The following ERBIN variants were observed in gnomAD, a reference collection of about 807,000 sequenced individuals.
ERBIN encodes the protein erbb2 interacting protein.
A neutral mutation model predicts 158.4 loss-of-function variants in ERBIN; 60 were observed. The observed-to-expected ratio is 0.38, with a 90% CI of 0.31 to 0.47. The LOEUF (loss-of-function observed/expected upper bound fraction) is 0.47, where lower values mean the gene tolerates loss of function less well. ERBIN is among the 20% of genes least tolerant of loss of function. The pLI, the probability that ERBIN is intolerant of heterozygous loss-of-function variation, is 0.99. For missense variants in ERBIN, 1,610 were observed against 1,648.0 expected, an observed-to-expected ratio of 0.98 and a Z score of 0.40; for synonymous variants, 594 against 557.2, an observed-to-expected ratio of 1.07 and a Z score of -0.93.
intron 1 of ERBIN, among the ~76,000 whole-genome samples, chr5:65,958,695 T>A (rs547368015): frequency 6.6e-6 from 1 of 152,238 alleles, no homozygotes; most frequent in South Asian, 2.1e-4. Context: ...AGGATTTTTT[T>A]ACTTTATGAT....
intron 7 of ERBIN, among the ~76,000 whole-genome samples, chr5:66,018,506 T>TATATAATATATATTATATAATATATAA (rs1286388126): frequency 1.8e-4 from 1 of 5,594 alleles, no homozygotes; most frequent in Non-Finnish European, 3.6e-4. Flanking sequence ...ATAATATATA[T>TATATAATATATATTATATAATATATAA]TATATATTAT....
rs150522905 is a variant in ERBIN, at chr5:65,992,742, T to C, written c.24T>C (p.Phe8=). The C allele has an allele frequency of 2.7e-5, 43 of 1,595,332 alleles. No individual in the cohort carries two copies. In the African/African-American group the frequency reaches 5.0e-4, roughly 19 times the overall value. Residue 8 remains phenylalanine (F), a synonymous_variant, in exon 3 of 26, where the codon TTT becomes TTC. Transcript: ENST00000284037. ...AAATGACTACAAAACGAAGTTTGTT[T>C]GTGCGGTTGGTACCATGTCGCTGTC... The part of the protein sequence containing the change: MTTKRSL[F]VRLVPCRCLR...
Position 66,028,289 on chromosome 5 carries a change from C to A in ERBIN, c.1152C>A (p.Pro384=), listed in dbSNP as rs369888510. Residue 384 remains proline (P), a synonymous_variant, in exon 14 of 26, where the codon CCC becomes CCA. Coordinates refer to ENST00000284037, the MANE Select transcript of ERBIN (RefSeq NM_001253697.2). ...NLSDNRLKNL[P]FSFTKLQQLT... ...TTTCCTACAGATTAAAGAATTTACC[C>A]TTTAGCTTTACAAAGCTACAGCAAT... is the stretch of plus-strand genomic sequence containing the variant. 1.2e-6 allele frequency: 2 copies of A among 1,610,158 alleles called. No individual in the cohort carries two copies. The highest frequency in any genetic ancestry group is 3.4e-5 in the Admixed American group (2 of 59,680).
At chr5:66,043,463 A>G (rs1419648865) in intron 16 of ERBIN, among the ~76,000 whole-genome samples, 1 of 152,116 alleles carries the variant, frequency 6.6e-6, no homozygotes, top group African/African-American at 2.4e-5. Context: ...ATTAACCAGC[A>G]CTTTATTTCA....
At chr5:66,022,030 A>G (rs890502737) in intron 8 of ERBIN, among the ~76,000 whole-genome samples, 2 of 151,746 alleles carry the variant, frequency 1.3e-5, no homozygotes, top group African/African-American at 4.8e-5. Context: ...CTTTTAAATT[A>G]GTTTACAAGT....
chr5:66,067,055 G>C (rs978560460), intron 21 of ERBIN, among the ~76,000 whole-genome samples: 22 of 152,272 alleles, frequency 1.4e-4, no homozygotes, highest in African/African-American at 5.1e-4. Flanking sequence ...CACAGCAAAT[G>C]TGTGTGTCTG....
At chr5:66,074,904 T>C in intron 22 of ERBIN, 120 bp from the exon 23 acceptor site, 1 of 782,052 alleles carries the variant, frequency 1.3e-6, no homozygotes, top group South Asian at 1.9e-5. Flanking sequence ...GGCATGGTAT[T>C]GTTTGACTTA....
chr5:65,964,941 T>TGC (rs2150968153), intron 1 of ERBIN, among the ~76,000 whole-genome samples: 1 of 115,578 alleles, frequency 8.7e-6, no homozygotes, highest in African/African-American at 3.3e-5. Context: ...TGTGTGTGTG[T>TGC]GTGTAATTTT....
rs1762420192 is a variant in ERBIN at position 66,082,350 on chromosome 5, A to G, written c.*3820A>G. 2.6e-5 allele frequency: 4 copies of G among 152,198 alleles called. No homozygotes were observed. In the South Asian group the frequency reaches 6.2e-4, roughly 24 times the overall value. 9.4% of individuals were successfully genotyped at this position (152,198 alleles called of 1,614,324 possible). A position where few individuals can be genotyped will look rare whatever the true frequency, so the allele number is the denominator to read the frequency against. On this transcript the variant is annotated 3_prime_UTR_variant, in exon 26 of 26. Transcript: ENST00000284037. ...CTGACAAAAAGAATCCTTCTGTTAC[A>G]ACTTTCTTTTCTAATGTAACAACCA...
At chr5:65,945,303 A>T (rs1745605400) in intron 1 of ERBIN, among the ~76,000 whole-genome samples, 1 of 152,250 alleles carries the variant, frequency 6.6e-6, no homozygotes, top group African/African-American at 2.4e-5. Context: ...AGAATGTTGG[A>T]ATATTCCATT....
At chr5:66,076,818 G>A in intron 24 of ERBIN, 57 bp from the exon 25 acceptor site, 2 of 1,307,830 alleles carry the variant, frequency 1.5e-6, no homozygotes, top group East Asian at 2.3e-5. Context: ...TTGCTCCTTG[G>A]TACTCTGTTA....
At chr5:66,019,814 A>G (rs575235809) in intron 7 of ERBIN, among the ~76,000 whole-genome samples, 111 of 152,274 alleles carry the variant, frequency 7.3e-4, no homozygotes, top group African/African-American at 2.5e-3. Context: ...CTCAATAGTT[A>G]CATGTGAATT....
Position 65,991,961 on chromosome 5 carries a change from T to G in ERBIN, c.-9-749T>G, listed in dbSNP as rs180759147. The stretch of plus-strand genomic sequence containing the variant: ...TTTCATAGGAAGGTTATAGGGTGGT[T>G]GATCCCTGATGGCTGGTTAAGAAGA... On this transcript the variant is annotated intron_variant, in intron 2 of 25. Coordinates refer to ENST00000284037, the MANE Select transcript of ERBIN (RefSeq NM_001253697.2). 1.2e-4 allele frequency among the ~76,000 whole-genome samples: 19 copies of G among 152,304 alleles called. No homozygotes were observed. In the East Asian group the frequency reaches 3.5e-3, roughly 28 times the overall value.
chr5:66,064,434 G>A (rs1199005569), intron 21 of ERBIN, among the ~76,000 whole-genome samples: 1 of 151,186 alleles, frequency 6.6e-6, no homozygotes, highest in Non-Finnish European at 1.5e-5. Flanking sequence ...ATTTTCACAT[G>A]AGTCCTGTGT....
intron 1 of ERBIN, among the ~76,000 whole-genome samples, chr5:65,939,537 CTCTCCCTCTCCCCACGG>C (rs70983699): frequency 1.3e-5 from 2 of 151,970 alleles, no homozygotes; most frequent in South Asian, 4.1e-4. Context: ...CCTCTCCCCC[CTCTCCCTCTCCCCACGG>C]TCTCCCTCTC....
chr5:66,072,588 C>T (rs1761625922), intron 22 of ERBIN, among the ~76,000 whole-genome samples: 2 of 151,994 alleles, frequency 1.3e-5, no homozygotes, highest in Admixed American at 1.3e-4. Context: ...TTTTGGTATT[C>T]CTGATAGTAA....
At chr5:65,956,515 G>A (rs940376728) in intron 1 of ERBIN, among the ~76,000 whole-genome samples, 5 of 149,468 alleles carry the variant, frequency 3.3e-5, no homozygotes, top group Admixed American at 1.3e-4. Flanking sequence ...GCAGACACTC[G>A]CCACCACACA....
intron 13 of ERBIN, 62 bp from the exon 14 acceptor site, chr5:66,028,212 C>T: frequency 8.7e-6 from 11 of 1,265,798 alleles, no homozygotes; most frequent in South Asian, 1.3e-5. Flanking sequence ...AGGTTGAACC[C>T]TCATTCATTT....
At chr5:65,963,787 CTTTTCTTTTT>C (rs1357657249) in intron 1 of ERBIN, among the ~76,000 whole-genome samples, 1 of 122,222 alleles carries the variant, frequency 8.2e-6, no homozygotes, top group East Asian at 2.2e-4. Context: ...TATTTTCTTT[CTTTTCTTTTT>C]TTTTTTTTTT....
Sources: allele counts gnomAD v4.1 joint callset (sites outside exome capture counted in the v4.1 genomes callset), GRCh38; gene constraint gnomAD v4.1.1; transcripts MANE v1.5; gene names NCBI Gene and HGNC (gene_info 2026-07-23, HGNC 2026-07-21).